Variants in CAMK1D observed in about 807,000 individuals in gnomAD.
CAMK1D encodes the protein calcium/calmodulin dependent protein kinase ID.
CAMK1D carries 9 observed loss-of-function variants against 47.7 expected under a neutral mutation model. The observed-to-expected ratio is 0.19, with a 90% CI of 0.11 to 0.33. The LOEUF is 0.33. CAMK1D is among the 10% of genes least tolerant of loss of function. The pLI is 1.00. For synonymous variants in CAMK1D, 184 were observed against 184.9 expected (o/e 0.99, Z 0.04); for missense variants, 291 against 488.7 (o/e 0.60, Z 3.81).
intron 1 of CAMK1D, among the ~76,000 whole-genome samples, chr10:12,460,484 A>G (rs1833391252): frequency 6.6e-6 from 1 of 151,914 alleles, no homozygotes; most frequent in African/African-American, 2.4e-5. Flanking sequence ...CCTGGCTGGA[A>G]TGCAGTAGTG....
intron 2 of CAMK1D, among the ~76,000 whole-genome samples, chr10:12,595,084 G>T (rs1382450573): frequency 6.6e-6 from 1 of 152,122 alleles, no homozygotes. Flanking sequence ...CCTCATGCCT[G>T]TAATCCCAAC....
At position 12,694,269 on chromosome 10, in the gene CAMK1D, T is replaced by G. The variant is rs1464611301; in HGVS notation, c.299+27459T>G. Among the ~76,000 whole-genome samples, 2 of 78,444 alleles carry G rather than the reference T, an allele frequency of 2.5e-5. 1 individual carries two copies. Among genetic ancestry groups the G allele is most frequent in the Non-Finnish European group, 4.3e-5 (2 of 46,130 alleles). 51.5% of individuals were successfully genotyped at this position (78,444 alleles called of 152,430 possible). A position where few individuals can be genotyped will look rare whatever the true frequency, so the allele number is the denominator to read the frequency against. ...TATATATTATGTATAATATATAATA[T>G]ATATTATACATAATATAAAATATAT... On this transcript the variant is annotated intron_variant, in intron 3 of 10. Coordinates refer to ENST00000619168, the MANE Select transcript of CAMK1D (RefSeq NM_153498.4).
At chr10:12,631,252 T>C (rs2132466217) in intron 2 of CAMK1D, among the ~76,000 whole-genome samples, 1 of 152,240 alleles carries the variant, frequency 6.6e-6, no homozygotes, top group Admixed American at 6.5e-5. Context: ...CTTCAAAGAT[T>C]ATAAAAAGTC....
chr10:12,654,465 C>T (rs1840064143), intron 2 of CAMK1D, among the ~76,000 whole-genome samples: 1 of 152,180 alleles, frequency 6.6e-6, no homozygotes, highest in South Asian at 2.1e-4. Context: ...ATATATTACC[C>T]TTTGACAAAA....
chr10:12,714,946 C>A (rs746894338), intron 3 of CAMK1D, among the ~76,000 whole-genome samples: 1 of 152,094 alleles, frequency 6.6e-6, no homozygotes, highest in Non-Finnish European at 1.5e-5. Context: ...TTTGTCTTTT[C>A]TGTGTTGGGA....
At chr10:12,667,516 G>C (rs1840471977) in intron 3 of CAMK1D, among the ~76,000 whole-genome samples, 1 of 152,162 alleles carries the variant, frequency 6.6e-6, no homozygotes, top group African/African-American at 2.4e-5. Context: ...TTTACTCTAA[G>C]TGATAAGATT....
chr10:12,744,537 G>A (rs117558238), intron 3 of CAMK1D, among the ~76,000 whole-genome samples: 3,213 of 152,132 alleles, frequency 0.021, 44 homozygotes, highest in Non-Finnish European at 0.033. Flanking sequence ...AGCCATCCTA[G>A]TGTGTGTGAA....
intron 4 of CAMK1D, among the ~76,000 whole-genome samples, chr10:12,765,668 G>A (rs1430346305): frequency 6.6e-6 from 1 of 152,226 alleles, no homozygotes; most frequent in Non-Finnish European, 1.5e-5. Context: ...TCACGCCAAG[G>A]AAATCAAGGA....
intron 1 of CAMK1D, among the ~76,000 whole-genome samples, chr10:12,541,941 T>C (rs953477739): frequency 3.3e-5 from 5 of 150,402 alleles, no homozygotes; most frequent in Non-Finnish European, 3.0e-5. Context: ...AGCGGTGCAA[T>C]CACAGCTTAC....
rs45497595 is a variant in CAMK1D at position 12,791,271 on chromosome 10, G to A, written c.641+38G>A. The A allele has an allele frequency of 9.1e-4, 1,446 of 1,586,682 alleles. 1 individual carries two copies. The highest frequency in any genetic ancestry group is 3.8e-3 in the East Asian group (170 of 44,686). On this transcript the variant is annotated intron_variant, in intron 6 of 10. Coordinates refer to ENST00000619168, the MANE Select transcript of CAMK1D (RefSeq NM_153498.4). Reference sequence around the variant, plus strand: ...TGCTGCCTTGGGTTCTTCCTCTACCGGCCTTTTTTTGTTTGGTGAAATATA... The same window carrying A: ...TGCTGCCTTGGGTTCTTCCTCTACCAGCCTTTTTTTGTTTGGTGAAATATA...
intron 1 of CAMK1D, among the ~76,000 whole-genome samples, chr10:12,423,570 A>T (rs115957282): frequency 1.3e-5 from 2 of 152,070 alleles, no homozygotes; most frequent in African/African-American, 2.4e-5. Context: ...AATAAATTCT[A>T]TTACCTCCGG....
At chr10:12,451,765 A>T (rs1010237635) in intron 1 of CAMK1D, among the ~76,000 whole-genome samples, 2 of 143,714 alleles carry the variant, frequency 1.4e-5, no homozygotes, top group Non-Finnish European at 3.2e-5. Context: ...GAGGATGGTT[A>T]TGTGTTTGTG....
chr10:12,766,512 G>A (rs1836772710), intron 4 of CAMK1D, among the ~76,000 whole-genome samples: 1 of 151,928 alleles, frequency 6.6e-6, no homozygotes, highest in Non-Finnish European at 1.5e-5. Context: ...TGGCACAGCT[G>A]CTGGCATTCA....
chr10:12,519,672 A>AT (rs1835335711), intron 1 of CAMK1D, among the ~76,000 whole-genome samples: 1 of 1,496 alleles, frequency 6.7e-4, no homozygotes, highest in African/African-American at 1.1e-3. Flanking sequence ...CGGGGGGCTG[A>AT]CCCCCCTCCT....
intron 1 of CAMK1D, among the ~76,000 whole-genome samples, chr10:12,468,688 C>A (rs1012569821): frequency 1.3e-5 from 2 of 152,206 alleles, no homozygotes; most frequent in Non-Finnish European, 2.9e-5. Context: ...CCCCCCATGA[C>A]CCTGCCCTCC....
At chr10:12,774,553 C>T (rs1837192751) in intron 5 of CAMK1D, among the ~76,000 whole-genome samples, 1 of 152,192 alleles carries the variant, frequency 6.6e-6, no homozygotes, top group Admixed American at 6.5e-5. Context: ...TGATAGGATG[C>T]CGTGGGATGC....
intron 1 of CAMK1D, 38 bp downstream of exon 1, chr10:12,349,948 G>A: frequency 1.5e-6 from 2 of 1,303,612 alleles, no homozygotes; most frequent in Non-Finnish European, 2.1e-6. Context: ...GGAGGTGGCC[G>A]CGGCAGGGGC....
chr10:12,386,272 C>T (rs1838492296), intron 1 of CAMK1D, among the ~76,000 whole-genome samples: 1 of 152,072 alleles, frequency 6.6e-6, no homozygotes, highest in Non-Finnish European at 1.5e-5. Flanking sequence ...GACCCTGTCT[C>T]TACAAGAAAT....
In CAMK1D at chr10:12,392,019, A is replaced by C. The variant is rs866180459; in HGVS notation, c.92+42109A>C. Among the ~76,000 whole-genome samples the C allele has an allele frequency of 5.9e-3, 876 of 148,126 alleles. 12 individuals carry two copies. The highest frequency in any genetic ancestry group is 0.02 in the African/African-American group (816 of 40,228). On this transcript the variant is annotated intron_variant, in intron 1 of 10. Coordinates refer to ENST00000619168, the MANE Select transcript of CAMK1D (RefSeq NM_153498.4). Reference sequence around the variant, plus strand: ...CACACACACACACACACACACACAAACAGTCTGGGTATGGTGGCTCACACC... The same window carrying C: ...CACACACACACACACACACACACAACCAGTCTGGGTATGGTGGCTCACACC...
Sources: allele counts gnomAD v4.1 joint callset (sites outside exome capture counted in the v4.1 genomes callset), GRCh38; gene constraint gnomAD v4.1.1; transcripts MANE v1.5; gene names NCBI Gene and HGNC (gene_info 2026-07-23, HGNC 2026-07-21).